Variants in GHR observed in about 807,000 individuals in gnomAD.
GHR encodes growth hormone receptor.
A neutral mutation model predicts 67.1 loss-of-function variants in GHR; 35 were observed. The observed-to-expected ratio is 0.52, with a 90% CI of 0.40 to 0.69. The LOEUF (loss-of-function observed/expected upper bound fraction) is 0.69, where lower values mean the gene tolerates loss of function less well. Among genes scored for constraint, GHR ranks in the 30% least tolerant of loss-of-function variants. The pLI is 0.00. For synonymous variants in GHR, 272 were observed against 269.1 expected (o/e 1.01, Z -0.10); for missense variants, 792 against 764.6 (o/e 1.04, Z -0.42).
intron 3 of GHR, among the ~76,000 whole-genome samples, chr5:42,682,133 G>A (rs1043570573): frequency 1.3e-4 from 20 of 152,106 alleles, no homozygotes; most frequent in Admixed American, 9.8e-4. Context: ...CATGGATGAA[G>A]CTGGAAACCA....
chr5:42,541,584 G>A (rs1748519723), intron 1 of GHR, among the ~76,000 whole-genome samples: 1 of 152,108 alleles, frequency 6.6e-6, no homozygotes, highest in Non-Finnish European at 1.5e-5. Flanking sequence ...AAAGGGACAT[G>A]TTCTTATTTT....
intron 1 of GHR, among the ~76,000 whole-genome samples, chr5:42,562,461 C>T (rs552138205): frequency 4.8e-4 from 73 of 152,210 alleles, no homozygotes; most frequent in East Asian, 3.7e-3. Context: ...GTGTTCCAGG[C>T]GGCAGTGAAC....
chr5:42,455,993 A>G (rs1403056393), intron 1 of GHR, among the ~76,000 whole-genome samples: 1 of 152,184 alleles, frequency 6.6e-6, no homozygotes, highest in South Asian at 2.1e-4. Flanking sequence ...TGTATATTAG[A>G]ATTATCTTAC....
chr5:42,652,397 T>C (rs1755055619), intron 3 of GHR, among the ~76,000 whole-genome samples: 1 of 152,198 alleles, frequency 6.6e-6, no homozygotes, highest in African/African-American at 2.4e-5. Flanking sequence ...TCTTACCCTA[T>C]GATTTCATTG....
intron 1 of GHR, among the ~76,000 whole-genome samples, chr5:42,530,885 A>C (rs372304388): frequency 1.3e-5 from 2 of 152,356 alleles, no homozygotes; most frequent in African/African-American, 4.8e-5. Flanking sequence ...TCACTGTATG[A>C]CATGCCGAAG....
At chr5:42,566,356 C>A (rs1749934817) in intron 2 of GHR, among the ~76,000 whole-genome samples, 1 of 152,160 alleles carries the variant, frequency 6.6e-6, no homozygotes, top group Admixed American at 6.6e-5. Context: ...GCTTGTTAAT[C>A]ATATTCTCAG....
At chr5:42,605,612 C>T (rs2112650758) in intron 2 of GHR, among the ~76,000 whole-genome samples, 1 of 152,326 alleles carries the variant, frequency 6.6e-6, no homozygotes, top group South Asian at 2.1e-4. Flanking sequence ...TTATACCCCA[C>T]TCACTCTGCA....
chr5:42,427,024 C>T (rs532272720), intron 1 of GHR, among the ~76,000 whole-genome samples: 28 of 152,212 alleles, frequency 1.8e-4, no homozygotes, highest in Non-Finnish European at 3.2e-4. Flanking sequence ...TATCCTTCAG[C>T]AGCTGACCAC....
intron 2 of GHR, among the ~76,000 whole-genome samples, chr5:42,569,701 G>T (rs1750167100): frequency 6.6e-6 from 1 of 151,856 alleles, no homozygotes. Flanking sequence ...ATTTGTATGT[G>T]TGTAATACAT....
Position 42,455,175 on chromosome 5 carries a change from G to A in GHR, c.-12+31220G>A, listed in dbSNP as rs375225783. On this transcript the variant is annotated intron_variant, in intron 1 of 9. Transcript: ENST00000230882. ...GATCTGGATTTTCAGATTCCCCAGT[G>A]AGGATATGTGTTTGGAGGCAGGTTT... Among the ~76,000 whole-genome samples the A allele has an allele frequency of 3.0e-4, 45 of 152,274 alleles. No individual in the cohort carries two copies. The East Asian group carries it at 4.2e-3, about 14-fold the overall frequency.
chr5:42,513,787 A>T (rs548212856), intron 1 of GHR, among the ~76,000 whole-genome samples: 17 of 152,138 alleles, frequency 1.1e-4, no homozygotes, highest in Non-Finnish European at 2.4e-4. Context: ...CGTCTCAAAA[A>T]AAAAAAGCTT....
At chr5:42,425,949 G>A (rs1742835315) in intron 1 of GHR, among the ~76,000 whole-genome samples, 1 of 152,204 alleles carries the variant, frequency 6.6e-6, no homozygotes. Flanking sequence ...GTGACGAGAT[G>A]AGTGCATTCT....
At chr5:42,686,807 A>G (rs1027379953) in intron 3 of GHR, among the ~76,000 whole-genome samples, 2 of 152,194 alleles carry the variant, frequency 1.3e-5, no homozygotes, top group Admixed American at 1.3e-4. Context: ...TTTTCAACAT[A>G]TTATTCAAAA....
At chr5:42,651,979 G>T (rs1755038398) in intron 3 of GHR, among the ~76,000 whole-genome samples, 1 of 152,096 alleles carries the variant, frequency 6.6e-6, no homozygotes, top group Admixed American at 6.5e-5. Flanking sequence ...AAAGGGAAAG[G>T]TATAGATGCT....
chr5:42,670,331 A>C (rs1005704345), intron 3 of GHR, among the ~76,000 whole-genome samples: 4 of 152,202 alleles, frequency 2.6e-5, no homozygotes, highest in Admixed American at 2.6e-4. Context: ...CTGAAGAATG[A>C]AATTAGATCC....
At chr5:42,669,246 A>G (rs752203342) in intron 3 of GHR, among the ~76,000 whole-genome samples, 8 of 152,332 alleles carry the variant, frequency 5.3e-5, no homozygotes, top group African/African-American at 4.8e-5. Context: ...CTGCACCTCT[A>G]AACCCTAAAA....
intron 1 of GHR, among the ~76,000 whole-genome samples, chr5:42,554,345 A>T (rs1019894234): frequency 6.6e-6 from 1 of 152,204 alleles, no homozygotes; most frequent in Non-Finnish European, 1.5e-5. Context: ...GTCCTACAAA[A>T]AAAAAAAAAT....
intron 2 of GHR, chr5:42,619,774 A>T (rs1490556012): frequency 6.6e-6 from 1 of 152,186 alleles, no homozygotes; most frequent in African/African-American, 2.4e-5. Context: ...TTTATGAAAG[A>T]TGCCTTTGCC....
intron 1 of GHR, among the ~76,000 whole-genome samples, chr5:42,493,931 A>G (rs936791716): frequency 2.6e-5 from 4 of 152,176 alleles, no homozygotes; most frequent in African/African-American, 9.6e-5. Flanking sequence ...TATAATCAAC[A>G]TAGGGAAGTC....
Sources: gnomAD v4.1 joint callset for allele counts (sites outside exome capture counted in the v4.1 genomes callset) on GRCh38, gnomAD v4.1.1 for gene constraint, MANE v1.5 for transcripts, NCBI Gene and HGNC (gene_info 2026-07-23, HGNC 2026-07-21) for gene names.